SOX6: variants seen among roughly 807,000 people sequenced by gnomAD.
SOX6 encodes transcription factor SOX-6.
SOX6 carries 11 observed loss-of-function variants against 97.8 expected under a neutral mutation model. The ratio of observed to expected loss-of-function variants is 0.11; its 90% confidence interval spans 0.07 to 0.19. The LOEUF (loss-of-function observed/expected upper bound fraction) is 0.19, where lower values mean the gene tolerates loss of function less well. Among genes scored for constraint, SOX6 ranks in the 10% least tolerant of loss-of-function variants. The probability of loss-of-function intolerance (pLI) is 1.00; values close to 1 mark genes in which losing one functional copy is unlikely to be tolerated. For missense variants in SOX6, 810 were observed against 1,039.5 expected (o/e 0.78, Z 3.04); for synonymous variants, 360 against 371.4 (o/e 0.97, Z 0.35).
chr11:16,658,207 T>G (rs986126426), intron 3 of SOX6, among the ~76,000 whole-genome samples: 8 of 152,214 alleles, frequency 5.3e-5, no homozygotes, highest in Middle Eastern at 3.2e-3. Flanking sequence ...GGTATAAAGA[T>G]CTAACTGTGG....
chr11:16,204,127 A>C (rs2134131875), intron 4 of SOX6, among the ~76,000 whole-genome samples: 1 of 152,196 alleles, frequency 6.6e-6, no homozygotes, highest in South Asian at 2.1e-4. Context: ...TAAAAAAAAA[A>C]CACCACTTTT....
At chr11:16,634,682 T>C in intron 3 of SOX6, among the ~76,000 whole-genome samples, 2 of 152,366 alleles carry the variant, frequency 1.3e-5, no homozygotes, top group Middle Eastern at 3.4e-3. Context: ...TTTATCTAAC[T>C]TTTCAAATTA....
At chr11:16,465,093 T>C (rs889777954) in intron 1 of SOX6, among the ~76,000 whole-genome samples, 1 of 152,216 alleles carries the variant, frequency 6.6e-6, no homozygotes, top group Non-Finnish European at 1.5e-5. Context: ...CCTCCATTTG[T>C]TCAACCACAT....
At chr11:16,282,034 C>A in intron 3 of SOX6, among the ~76,000 whole-genome samples, 1 of 147,592 alleles carries the variant, frequency 6.8e-6, no homozygotes, top group African/African-American at 2.5e-5. Flanking sequence ...CTAAAAAGGA[C>A]AATACAGATT....
intron 3 of SOX6, among the ~76,000 whole-genome samples, chr11:16,614,891 C>T (rs1848451394): frequency 6.6e-6 from 1 of 152,330 alleles, no homozygotes; most frequent in Admixed American, 6.5e-5. Context: ...GAGCATAAAT[C>T]AGCCCTGGCT....
At chr11:16,134,119 T>A (rs1024250710) in intron 6 of SOX6, among the ~76,000 whole-genome samples, 33 of 152,258 alleles carry the variant, frequency 2.2e-4, no homozygotes, top group African/African-American at 7.7e-4. Flanking sequence ...TTAACACATT[T>A]AATTCTCAAA....
chr11:16,189,337 AG>A (rs1480115354), intron 4 of SOX6, among the ~76,000 whole-genome samples: 1 of 152,112 alleles, frequency 6.6e-6, no homozygotes, highest in Admixed American at 6.6e-5. Flanking sequence ...AACTGAAGAA[AG>A]GGTTGCAAGA....
chr11:16,717,745 A>G (rs1490928106), intron 2 of SOX6, among the ~76,000 whole-genome samples: 1 of 152,132 alleles, frequency 6.6e-6, no homozygotes, highest in Non-Finnish European at 1.5e-5. Context: ...AGAAGTATTG[A>G]TTCCTTCTAG....
chr11:16,495,846 G>A (rs1360094851), intron 4 of SOX6, among the ~76,000 whole-genome samples: 1 of 152,130 alleles, frequency 6.6e-6, no homozygotes. Flanking sequence ...GGCATGCTTA[G>A]CCTGCTACTG....
chr11:16,121,672 C>T (rs1172398216), intron 6 of SOX6, among the ~76,000 whole-genome samples: 1 of 151,954 alleles, frequency 6.6e-6, no homozygotes, highest in Non-Finnish European at 1.5e-5. Context: ...CTATGGTCTA[C>T]ACCCCAGAAA....
chr11:16,650,692 T>A (rs1847635123), intron 3 of SOX6, among the ~76,000 whole-genome samples: 1 of 151,684 alleles, frequency 6.6e-6, no homozygotes, highest in Non-Finnish European at 1.5e-5. Flanking sequence ...CACAAGTAGA[T>A]AATCTAAGGC....
intron 3 of SOX6, among the ~76,000 whole-genome samples, chr11:16,696,151 A>C (rs1482995772): frequency 6.6e-6 from 1 of 152,234 alleles, no homozygotes; most frequent in Non-Finnish European, 1.5e-5. Flanking sequence ...TATTGATTAT[A>C]AACAGAAATT....
chr11:16,361,316 C>G (rs376068772), upstream of SOX6, among the ~76,000 whole-genome samples: 1 of 152,048 alleles, frequency 6.6e-6, no homozygotes, highest in Non-Finnish European at 1.5e-5. Flanking sequence ...AAAACCTTCA[C>G]TCAATAGACA....
At chr11:16,469,288 G>C (rs902661826) in intron 1 of SOX6, among the ~76,000 whole-genome samples, 18 of 151,640 alleles carry the variant, frequency 1.2e-4, no homozygotes, top group Non-Finnish European at 2.1e-4. Context: ...CAATATTCAG[G>C]GACTGGTCCA....
chr11:16,130,419 T>C (rs996434642), intron 6 of SOX6, among the ~76,000 whole-genome samples: 1 of 151,998 alleles, frequency 6.6e-6, no homozygotes, highest in African/African-American at 2.4e-5. Context: ...GTAATTTCAC[T>C]ATGTTTATGC....
chr11:16,682,489 C>A (rs1417595642), intron 3 of SOX6, among the ~76,000 whole-genome samples: 1 of 152,202 alleles, frequency 6.6e-6, no homozygotes, highest in East Asian at 1.9e-4. Context: ...ACAAAAACCA[C>A]ATGATTATCT....
intron 2 of SOX6, chr11:16,714,932 T>A (rs1239775182): frequency 1.3e-5 from 2 of 152,156 alleles, no homozygotes; most frequent in African/African-American, 4.8e-5. Context: ...AAAAAATAAA[T>A]TTCAGTACTT....
At chr11:16,107,569 G>T (rs1248215481) in intron 7 of SOX6, among the ~76,000 whole-genome samples, 1 of 151,356 alleles carries the variant, frequency 6.6e-6, no homozygotes, top group Non-Finnish European at 1.5e-5. Context: ...CCAATTATAT[G>T]AAGTACCTAC....
chr11:16,552,736 G>T (rs921542187), intron 4 of SOX6, among the ~76,000 whole-genome samples: 3 of 152,138 alleles, frequency 2.0e-5, no homozygotes, highest in Non-Finnish European at 4.4e-5. Context: ...TTTACTAAAA[G>T]ACTTATATAA....
Sources: gnomAD v4.1 joint callset for allele counts (sites outside exome capture counted in the v4.1 genomes callset) on GRCh38, gnomAD v4.1.1 for gene constraint, MANE v1.5 for transcripts, NCBI Gene and HGNC (gene_info 2026-07-23, HGNC 2026-07-21) for gene names.